Variants in GFM1 observed in about 807,000 individuals in gnomAD.
GFM1 encodes elongation factor G, mitochondrial.
A neutral mutation model predicts 96.2 loss-of-function variants in GFM1; 62 were observed. That is an observed-to-expected ratio of 0.64 (90% CI 0.53 to 0.80). The LOEUF (loss-of-function observed/expected upper bound fraction) is 0.80. Ranked by LOEUF, GFM1 falls within the 30% of genes least tolerant of loss-of-function variation. The pLI is 0.00. For synonymous variants in GFM1, 282 were observed against 312.9 expected (o/e 0.90, Z 1.04); for missense variants, 852 against 916.6 (o/e 0.93, Z 0.91).
chr3:158,655,282 G>A (rs1332000677), intron 8 of GFM1, among the ~76,000 whole-genome samples: 1 of 152,010 alleles, frequency 6.6e-6, no homozygotes, highest in Admixed American at 6.6e-5. Flanking sequence ...TCAGGAGTTC[G>A]AGACCAGCCT....
At chr3:158,651,309 ATTG>A (rs1214974746) in intron 5 of GFM1, among the ~76,000 whole-genome samples, 1 of 152,046 alleles carries the variant, frequency 6.6e-6, no homozygotes, top group African/African-American at 2.4e-5. Context: ...CTTACTAGAG[ATTG>A]TTATGTTGTG....
intron 4 of GFM1, among the ~76,000 whole-genome samples, chr3:158,648,495 A>C (rs113175198): frequency 0.04 from 6,154 of 152,006 alleles, 156 homozygotes; most frequent in Non-Finnish European, 0.062. Flanking sequence ...TGGTCAACAT[A>C]GTGAAACCCC....
intron 13 of GFM1, among the ~76,000 whole-genome samples, chr3:158,667,508 G>A (rs1052278257): frequency 4.6e-5 from 7 of 152,252 alleles, no homozygotes; most frequent in South Asian, 2.1e-4. Flanking sequence ...AAATAAGGCC[G>A]AGCACAGTGG....
Position 158,672,395 on chromosome 3 carries a change from C to T in GFM1, c.1601+6009C>T, listed in dbSNP as rs1167121145. 2.5e-6 allele frequency: 4 copies of T among 1,614,024 alleles called. No homozygotes were observed. In the South Asian group the frequency reaches 3.3e-5, roughly 13 times the overall value. The stretch of plus-strand genomic sequence containing the variant: ...CCTTCTGCACCTCAAACACCCTGTG[C>T]GGGGTCCCCTGCTGGTAGTTGATGT... On this transcript the variant is annotated intron_variant, in intron 13 of 17. Transcript: ENST00000486715.
intron 14 of GFM1, among the ~76,000 whole-genome samples, chr3:158,683,353 A>G (rs933833606): frequency 2.6e-5 from 4 of 152,240 alleles, no homozygotes; most frequent in Non-Finnish European, 4.4e-5. Flanking sequence ...GTTGCCAGGA[A>G]AAACTAACTT....
chr3:158,645,645 G>A lies in GFM1; in HGVS notation c.98G>A (p.Cys33Tyr). The A allele has an allele frequency of 6.2e-7, 1 of 1,613,014 alleles. No individual in the cohort carries two copies. Among genetic ancestry groups the A allele is most frequent in the Non-Finnish European group, 8.5e-7 (1 of 1,179,006 alleles). Reference sequence around the variant, plus strand: ...TTTTTTCAGGTTAATTGGAAGGCCTGCCGATGGTCTTCATCAGGGGTGATT... The same window carrying A: ...TTTTTTCAGGTTAATTGGAAGGCCTACCGATGGTCTTCATCAGGGGTGATT... ...WQRKQVNWKACRWSSSGVIPN... is the reference protein window; with the variant it reads ...WQRKQVNWKAYRWSSSGVIPN... Residue 33 changes from cysteine (C) to tyrosine (Y), a missense_variant, in exon 2 of 18, where the codon TGC (cysteine) becomes TAC (tyrosine). Cys to Tyr is a radical substitution (Grantham distance 194, BLOSUM62 -2). Coordinates refer to ENST00000486715, the MANE Select transcript of GFM1 (RefSeq NM_024996.7).
At chr3:158,690,092 T>A in intron 15 of GFM1, 71 bp from the exon 16 acceptor site, 1 of 1,370,120 alleles carries the variant, frequency 7.3e-7, no homozygotes, top group Non-Finnish European at 1.0e-6. Flanking sequence ...TTTTTCTCCC[T>A]TTTTTATATC....
At chr3:158,666,958 A>G in intron 13 of GFM1, 1 of 1,564,020 alleles carries the variant, frequency 6.4e-7, no homozygotes, top group Non-Finnish European at 8.6e-7. Context: ...CTGTGGCTAT[A>G]CAAGGAGTCT....
intron 12 of GFM1, among the ~76,000 whole-genome samples, chr3:158,666,066 GATTA>G (rs1429034224): frequency 6.6e-6 from 1 of 152,148 alleles, no homozygotes; most frequent in African/African-American, 2.4e-5. Flanking sequence ...TTAGTGGTTA[GATTA>G]ATTGGAGGTA....
intron 7 of GFM1, among the ~76,000 whole-genome samples, chr3:158,653,981 G>GA (rs1163880761): frequency 6.6e-6 from 1 of 151,946 alleles, no homozygotes; most frequent in Non-Finnish European, 1.5e-5. Flanking sequence ...TGAGGCAGGA[G>GA]AATCACTGGA....
chr3:158,684,503 G>A (rs1725667669), intron 14 of GFM1, 21 bp from the exon 15 acceptor site: 6 of 1,613,832 alleles, frequency 3.7e-6, no homozygotes, highest in South Asian at 1.1e-5. Context: ...CACTCCAGAA[G>A]TTGTGTTCAT....
chr3:158,685,634 ATTTTAC>A (rs1227280657), intron 15 of GFM1, among the ~76,000 whole-genome samples: 4 of 152,064 alleles, frequency 2.6e-5, no homozygotes, highest in African/African-American at 9.7e-5. Flanking sequence ...CTGATTCCTT[ATTTTAC>A]TTATGTTTCA....
intron 5 of GFM1, chr3:158,650,459 C>G (rs1304241705): frequency 5.2e-6 from 1 of 192,080 alleles, no homozygotes; most frequent in Non-Finnish European, 1.1e-5. Context: ...ATCAGAACCA[C>G]AGATGCAGCA....
chr3:158,648,874 G>A (rs977607016), intron 4 of GFM1, among the ~76,000 whole-genome samples, 167 bp from the exon 5 acceptor site: 5 of 152,018 alleles, frequency 3.3e-5, no homozygotes, highest in Middle Eastern at 3.2e-3. Flanking sequence ...CTTGAGTTAC[G>A]TTGTCAGTCT....
chr3:158,660,666 A>G (rs1323344854), intron 9 of GFM1: 4 of 577,094 alleles, frequency 6.9e-6, no homozygotes, highest in East Asian at 6.0e-5. Context: ...GTCTATTGAT[A>G]TATGGTTTAA....
intron 15 of GFM1, among the ~76,000 whole-genome samples, chr3:158,688,021 C>T (rs1336830902): frequency 6.6e-6 from 1 of 151,684 alleles, no homozygotes; most frequent in Non-Finnish European, 1.5e-5. Context: ...TAGCTTATAA[C>T]TGTAAGATAT....
At position 158,659,067 on chromosome 3, in the gene GFM1, C is replaced by T. The variant is rs774367563; in HGVS notation, c.1221+8C>T. 3 of 1,614,082 alleles carry T rather than the reference C, an allele frequency of 1.9e-6. No individual in the cohort carries two copies. The South Asian group carries it at 3.3e-5, about 18-fold the overall frequency. On this transcript the variant is annotated splice_region_variant and intron_variant, in intron 9 of 17. Transcript: ENST00000486715. Reference sequence around the variant, plus strand: ...CATGCCGACATGATGGAGGCAAGTACAGAGTCATTGTGAGATTAGAAATTC... The same window carrying T: ...CATGCCGACATGATGGAGGCAAGTATAGAGTCATTGTGAGATTAGAAATTC...
chr3:158,654,205 CTTTTTT>C (rs551796824), intron 7 of GFM1, among the ~76,000 whole-genome samples: 3 of 85,974 alleles, frequency 3.5e-5, no homozygotes, highest in East Asian at 3.8e-4. Flanking sequence ...CTCTAAAGAC[CTTTTTT>C]TTTTTTTTTT....
intron 13 of GFM1, chr3:158,669,237 A>G (rs1560137525): frequency 7.6e-7 from 1 of 1,323,722 alleles, no homozygotes. Flanking sequence ...ATGTTGTGCA[A>G]AAAATAATTT....
Sources: gnomAD v4.1 joint callset for allele counts (sites outside exome capture counted in the v4.1 genomes callset) on GRCh38, gnomAD v4.1.1 for gene constraint, MANE v1.5 for transcripts, NCBI Gene and HGNC (gene_info 2026-07-23, HGNC 2026-07-21) for gene names.